Variants in FSTL5 observed in about 807,000 individuals in gnomAD.
FSTL5 encodes follistatin like 5.
In FSTL5, 62 loss-of-function variants were observed where a neutral mutation model predicts 89.1. The ratio of observed to expected loss-of-function variants is 0.70; its 90% CI spans 0.57 to 0.86. The LOEUF (loss-of-function observed/expected upper bound fraction) is 0.86. FSTL5 is among the 40% of genes least tolerant of loss of function. The probability of loss-of-function intolerance (pLI) is 0.00; values close to 1 mark genes in which losing one functional copy is unlikely to be tolerated. For missense variants in FSTL5, 1,057 were observed against 1,001.6 expected (o/e 1.06, Z -0.75); for synonymous variants, 383 against 346.2 (o/e 1.11, Z -1.18).
chr4:161,433,828 A>T (rs1026987654), intron 15 of FSTL5, among the ~76,000 whole-genome samples: 8 of 152,070 alleles, frequency 5.3e-5, no homozygotes, highest in Non-Finnish European at 1.2e-4. Context: ...ATAAAATTAA[A>T]TATCTAGGAA....
intron 2 of FSTL5, among the ~76,000 whole-genome samples, chr4:162,059,371 T>C (rs564199059): frequency 6.6e-6 from 1 of 152,294 alleles, no homozygotes; most frequent in South Asian, 2.1e-4. Flanking sequence ...GTTAATATTG[T>C]AGCTGTGTTA....
At chr4:162,030,539 C>G (rs577736588) in intron 3 of FSTL5, among the ~76,000 whole-genome samples, 9 of 151,794 alleles carry the variant, frequency 5.9e-5, no homozygotes, top group African/African-American at 9.7e-5. Context: ...CTTGAAAAAA[C>G]AGGAGGAGAA....
At chr4:161,835,310 G>C (rs1366091503) in intron 4 of FSTL5, among the ~76,000 whole-genome samples, 1 of 152,014 alleles carries the variant, frequency 6.6e-6, no homozygotes, top group Non-Finnish European at 1.5e-5. Flanking sequence ...ATTCAAGATG[G>C]ATTAAAGACT....
intron 15 of FSTL5, among the ~76,000 whole-genome samples, chr4:161,417,469 T>C (rs985462614): frequency 6.6e-6 from 1 of 152,242 alleles, no homozygotes; most frequent in East Asian, 1.9e-4. Context: ...TGCTTTATTC[T>C]TTCCTGGCAT....
At chr4:161,538,117 A>G in intron 10 of FSTL5, 49 bp downstream of exon 10, 1 of 1,576,180 alleles carries the variant, frequency 6.3e-7, no homozygotes, top group Non-Finnish European at 8.6e-7. Context: ...GCTGTAAAAA[A>G]GTACGTTGAA....
At chr4:161,492,049 A>G (rs73861548) in intron 12 of FSTL5, among the ~76,000 whole-genome samples, 4,329 of 152,230 alleles carry the variant, frequency 0.028, 208 homozygotes, top group African/African-American at 0.097. Context: ...TTTCATCTCC[A>G]TTTTATCCTT....
intron 15 of FSTL5, among the ~76,000 whole-genome samples, chr4:161,448,629 TCC>T (rs2126385311): frequency 6.6e-6 from 1 of 152,290 alleles, no homozygotes; most frequent in Admixed American, 6.5e-5. Context: ...TAGACCACTC[TCC>T]AGACTGCCGG....
intron 2 of FSTL5, among the ~76,000 whole-genome samples, chr4:162,055,314 A>C (rs1738502702): frequency 6.6e-6 from 1 of 151,804 alleles, no homozygotes; most frequent in Admixed American, 6.6e-5. Context: ...CAAATGAATT[A>C]CATGCTTATA....
chr4:161,920,008 C>A (rs924781443), intron 4 of FSTL5, among the ~76,000 whole-genome samples: 10 of 152,090 alleles, frequency 6.6e-5, no homozygotes, highest in African/African-American at 2.4e-4. Flanking sequence ...CGTTTTTAAT[C>A]AGGAAGGAAT....
intron 1 of FSTL5, among the ~76,000 whole-genome samples, chr4:162,120,724 CCTTATTCCTA>C (rs1354244337): frequency 6.6e-6 from 1 of 151,936 alleles, no homozygotes; most frequent in Non-Finnish European, 1.5e-5. Flanking sequence ...ATACAGCTGT[CCTTATTCCTA>C]GCATAGTATT....
At chr4:161,846,027 C>A (rs1731356672) in intron 4 of FSTL5, among the ~76,000 whole-genome samples, 1 of 141,450 alleles carries the variant, frequency 7.1e-6, no homozygotes, top group African/African-American at 2.7e-5. Context: ...GGAGCCTGGG[C>A]AACAGAACAA....
chr4:161,839,712 G>C (rs182465778), intron 4 of FSTL5, among the ~76,000 whole-genome samples: 1 of 152,284 alleles, frequency 6.6e-6, no homozygotes, highest in East Asian at 1.9e-4. Flanking sequence ...GGCTGAGAAA[G>C]GAGGCTTCAC....
chr4:161,767,209 A>T (rs901859257), intron 5 of FSTL5, among the ~76,000 whole-genome samples: 4 of 152,134 alleles, frequency 2.6e-5, no homozygotes, highest in Admixed American at 2.6e-4. Flanking sequence ...CCCATACCTT[A>T]GGTTATTTCA....
At chr4:161,854,595 A>C (rs1731663119) in intron 4 of FSTL5, among the ~76,000 whole-genome samples, 1 of 152,196 alleles carries the variant, frequency 6.6e-6, no homozygotes, top group African/African-American at 2.4e-5. Flanking sequence ...CAACAAAATA[A>C]TTTTGTAGAT....
intron 6 of FSTL5, among the ~76,000 whole-genome samples, chr4:161,689,426 T>C (rs1737854418): frequency 6.6e-6 from 1 of 152,114 alleles, no homozygotes; most frequent in Admixed American, 6.6e-5. Flanking sequence ...TAATAAATAC[T>C]TAACTTTATA....
At position 161,510,438 on chromosome 4, in the gene FSTL5, A is replaced by G; in HGVS notation, c.1313-14T>C. ...ATATGTTAGCTACTGCAGCATGTTGAAAGAAAAAGAAGAAAAAGAAAAATG... is the reference window on the plus strand; with the variant it reads ...ATATGTTAGCTACTGCAGCATGTTGGAAGAAAAAGAAGAAAAAGAAAAATG... On this transcript the variant is annotated splice_polypyrimidine_tract_variant and intron_variant, in intron 10 of 15. Coordinates refer to ENST00000306100, the MANE Select transcript of FSTL5 (RefSeq NM_020116.5). 6.6e-7 allele frequency: 1 copy of G among 1,504,094 alleles called. No homozygotes were observed. The highest frequency in any genetic ancestry group is 8.9e-7 in the Non-Finnish European group (1 of 1,117,388). The allele number at this position is 1,504,094 out of a possible 1,614,324, so 93.2% of individuals were successfully genotyped here.
chr4:161,865,981 G>C (rs975742269), intron 4 of FSTL5, among the ~76,000 whole-genome samples: 2 of 152,134 alleles, frequency 1.3e-5, no homozygotes, highest in Admixed American at 6.5e-5. Context: ...TTAGAAAAGA[G>C]GGGGCAGAAC....
intron 7 of FSTL5, among the ~76,000 whole-genome samples, chr4:161,649,311 T>C (rs1323568177): frequency 6.6e-6 from 1 of 152,204 alleles, no homozygotes; most frequent in African/African-American, 2.4e-5. Flanking sequence ...ATACTTCTTT[T>C]TAAGACAGTT....
intron 4 of FSTL5, among the ~76,000 whole-genome samples, chr4:161,844,991 AAGTT>A (rs758961437): frequency 3.3e-5 from 5 of 152,230 alleles, no homozygotes; most frequent in African/African-American, 7.2e-5. Context: ...AGAGTAAAAA[AAGTT>A]AGGTGATAAT....
Sources: allele counts gnomAD v4.1 joint callset (sites outside exome capture counted in the v4.1 genomes callset), GRCh38; gene constraint gnomAD v4.1.1; transcripts MANE v1.5; gene names NCBI Gene and HGNC (gene_info 2026-07-23, HGNC 2026-07-21).